CCDC178: variants seen among roughly 807,000 people sequenced by gnomAD.
CCDC178 encodes the protein coiled-coil domain-containing protein 178.
A neutral mutation model predicts 117.4 loss-of-function variants in CCDC178; 126 were observed. That is an observed-to-expected ratio of 1.07 (90% CI 0.93 to 1.24). CCDC178 has a LOEUF of 1.24. CCDC178 is among the 50% of genes most tolerant of loss of function. CCDC178 has a pLI of 0.00. For missense variants in CCDC178, 1,030 were observed against 986.9 expected (o/e 1.04, Z -0.59); for synonymous variants, 283 against 313.4 (o/e 0.90, Z 1.02).
intron 15 of CCDC178, among the ~76,000 whole-genome samples, chr18:33,243,564 A>AG (rs111888191): frequency 0.067 from 10,159 of 151,856 alleles, 508 homozygotes; most frequent in African/African-American, 0.14. Context: ...ATAACAGAAA[A>AG]GGGGCACTCT....
chr18:33,224,395 C>T (rs1000903629), intron 17 of CCDC178, among the ~76,000 whole-genome samples: 1 of 152,136 alleles, frequency 6.6e-6, no homozygotes, highest in Non-Finnish European at 1.5e-5. Flanking sequence ...CATCTACATG[C>T]ATCAAAAATT....
intron 18 of CCDC178, among the ~76,000 whole-genome samples, chr18:33,221,304 G>A (rs2144619612): frequency 6.6e-6 from 1 of 152,204 alleles, no homozygotes; most frequent in South Asian, 2.1e-4. Flanking sequence ...TAACAGTCGA[G>A]TTTGGGCTCT....
chr18:32,992,715 A>C (rs2055420044), intron 21 of CCDC178, among the ~76,000 whole-genome samples: 1 of 152,186 alleles, frequency 6.6e-6, no homozygotes, highest in Non-Finnish European at 1.5e-5. Flanking sequence ...TGGATATTTT[A>C]ATTAGCTTGA....
intron 20 of CCDC178, among the ~76,000 whole-genome samples, chr18:33,096,365 AT>A (rs1193835539): frequency 6.9e-6 from 1 of 145,258 alleles, no homozygotes; most frequent in South Asian, 2.1e-4. Flanking sequence ...AAAATATAAA[AT>A]TTTTATATTT....
intron 20 of CCDC178, among the ~76,000 whole-genome samples, chr18:33,179,078 A>AAAAAAAT (rs71159804): frequency 6.1e-4 from 34 of 55,812 alleles, no homozygotes; most frequent in African/African-American, 2.2e-3. Flanking sequence ...AAAAAAAAAA[A>AAAAAAAT]ATATATATAT....
intron 9 of CCDC178, 61 bp from the exon 10 acceptor site, chr18:33,333,455 T>C: frequency 1.6e-6 from 1 of 632,224 alleles, no homozygotes; most frequent in South Asian, 2.7e-5. Flanking sequence ...TGATAATACA[T>C]AAATATAAAA....
intron 22 of CCDC178, chr18:32,956,836 A>G (rs573980604): frequency 3.9e-5 from 6 of 152,296 alleles, no homozygotes; most frequent in African/African-American, 1.4e-4. Context: ...CCCTGCTCAT[A>G]ATATTAGAAA....
chr18:33,197,668 A>G (rs2058947262), intron 20 of CCDC178, among the ~76,000 whole-genome samples: 1 of 152,174 alleles, frequency 6.6e-6, no homozygotes, highest in Non-Finnish European at 1.5e-5. Flanking sequence ...TGAAAGATCA[A>G]CTTAGAATTG....
chr18:33,421,283 C>A (rs2064020910), intron 2 of CCDC178, among the ~76,000 whole-genome samples: 1 of 152,214 alleles, frequency 6.6e-6, no homozygotes, highest in Non-Finnish European at 1.5e-5. Context: ...AGATCTACTG[C>A]ATTTCAGCTG....
chr18:33,116,730 G>A (rs1239298954), intron 20 of CCDC178, among the ~76,000 whole-genome samples: 1 of 124,582 alleles, frequency 8.0e-6, no homozygotes, highest in Non-Finnish European at 1.7e-5. Context: ...AAGCCAGCAG[G>A]GAAGAACCCC....
chr18:33,256,814 A>C (rs1341788409), intron 14 of CCDC178, among the ~76,000 whole-genome samples: 1 of 152,092 alleles, frequency 6.6e-6, no homozygotes, highest in Non-Finnish European at 1.5e-5. Context: ...AATTAATAGA[A>C]TCTTCAGTAG....
intron 22 of CCDC178, among the ~76,000 whole-genome samples, chr18:32,956,417 C>T (rs980887291): frequency 1.3e-5 from 2 of 152,058 alleles, no homozygotes; most frequent in African/African-American, 4.8e-5. Flanking sequence ...TAACAGATGC[C>T]ATGATTGTGA....
At chr18:33,218,941 T>C (rs1333808463) in intron 18 of CCDC178, among the ~76,000 whole-genome samples, 2 of 152,154 alleles carry the variant, frequency 1.3e-5, no homozygotes, top group Non-Finnish European at 2.9e-5. Context: ...GTGGGCTCTT[T>C]TTTGGTTCCA....
At chr18:33,270,253 T>C (rs970069065) in intron 12 of CCDC178, among the ~76,000 whole-genome samples, 1 of 151,416 alleles carries the variant, frequency 6.6e-6, no homozygotes, top group East Asian at 1.9e-4. Context: ...TTCCATGAAG[T>C]ATATACCAAT....
Position 33,131,394 on chromosome 18 carries a change from A to C in CCDC178, c.2239-38484T>G, listed in dbSNP as rs113926282. Among the ~76,000 whole-genome samples the C allele has an allele frequency of 5.3e-3, 802 of 151,922 alleles. 7 individuals are homozygous for C. Among genetic ancestry groups the C allele is most frequent in the African/African-American group, 0.019 (769 of 41,540 alleles). On this transcript the variant is annotated intron_variant, in intron 20 of 22. Coordinates refer to ENST00000383096, the MANE Select transcript of CCDC178 (RefSeq NM_001105528.4). ...AAACTCATCAAAAGGAAAAATGAAA[A>C]AAATCATGCCCAAACAGAACTATGA...
chr18:33,167,930 A>G (rs1221497764), intron 20 of CCDC178, among the ~76,000 whole-genome samples: 1 of 151,938 alleles, frequency 6.6e-6, no homozygotes, highest in Non-Finnish European at 1.5e-5. Flanking sequence ...TACTTTGCCA[A>G]CATTTAATGG....
intron 21 of CCDC178, among the ~76,000 whole-genome samples, chr18:33,053,310 G>A (rs1370235394): frequency 2.0e-5 from 3 of 152,088 alleles, no homozygotes; most frequent in Admixed American, 6.6e-5. Flanking sequence ...AAGGTCTAAT[G>A]TCACCTAGAT....
intron 20 of CCDC178, among the ~76,000 whole-genome samples, chr18:33,111,049 T>A (rs1207508103): frequency 6.6e-6 from 1 of 151,592 alleles, no homozygotes; most frequent in Non-Finnish European, 1.5e-5. Flanking sequence ...ATTTAGAAAT[T>A]ATTTGATTTT....
At chr18:33,266,131 T>C (rs551735394) in intron 14 of CCDC178, among the ~76,000 whole-genome samples, 14 of 152,142 alleles carry the variant, frequency 9.2e-5, no homozygotes, top group African/African-American at 2.6e-4. Context: ...CTTAGTTACC[T>C]GTGGTCAACT....
Sources: allele counts gnomAD v4.1 joint callset (sites outside exome capture counted in the v4.1 genomes callset), GRCh38; gene constraint gnomAD v4.1.1; transcripts MANE v1.5; gene names NCBI Gene and HGNC (gene_info 2026-07-23, HGNC 2026-07-21).